PTN: variants seen among roughly 807,000 people sequenced by gnomAD.
PTN encodes heparin affin regulatory protein.
PTN carries 18 observed loss-of-function variants against 24.1 expected under a neutral mutation model. The ratio of observed to expected loss-of-function variants is 0.75; its 90% CI spans 0.52 to 1.11. The LOEUF is 1.11. PTN is among the 50% of genes least tolerant of loss of function. PTN has a pLI of 0.00. For synonymous variants in PTN, 78 were observed against 68.6 expected (o/e 1.14, Z -0.67); for missense variants, 163 against 198.8 (o/e 0.82, Z 1.08).
In PTN at chr7:137,257,909, C is replaced by T. The variant is rs190664163; in HGVS notation, c.-1-2935G>A. Among the ~76,000 whole-genome samples, 1,236 of 152,234 alleles carry T rather than the reference C, an allele frequency of 8.1e-3. 7 individuals are homozygous for T. Among genetic ancestry groups the T allele is most frequent in the Non-Finnish European group, 0.012 (793 of 68,018 alleles). On this transcript the variant is annotated intron_variant, in intron 1 of 4. Transcript: ENST00000348225. ...AAGAGAGGCCAGAAGCACCTCAGAGCCCACTGGAGAAATATGATAACTTGG... is the reference window on the plus strand; with the variant it reads ...AAGAGAGGCCAGAAGCACCTCAGAGTCCACTGGAGAAATATGATAACTTGG...
chr7:137,235,909 C>T (rs1808511790), intron 4 of PTN, among the ~76,000 whole-genome samples: 1 of 152,110 alleles, frequency 6.6e-6, no homozygotes, highest in Non-Finnish European at 1.5e-5. Context: ...TGTCTAGATG[C>T]AGACTAAACA....
chr7:137,297,121 A>G (rs1055710610), intron 1 of PTN, among the ~76,000 whole-genome samples: 6 of 152,138 alleles, frequency 3.9e-5, no homozygotes, highest in Non-Finnish European at 7.4e-5. Flanking sequence ...TAAGATATGG[A>G]CAGATAAAAT....
intron 1 of PTN, among the ~76,000 whole-genome samples, chr7:137,285,788 G>A (rs1809544384): frequency 6.6e-6 from 1 of 152,206 alleles, no homozygotes; most frequent in Non-Finnish European, 1.5e-5. Flanking sequence ...CTAGAAATAT[G>A]TGTCCTATAT....
chr7:137,304,796 A>T (rs1809860494), intron 1 of PTN, among the ~76,000 whole-genome samples: 1 of 151,994 alleles, frequency 6.6e-6, no homozygotes, highest in African/African-American at 2.4e-5. Flanking sequence ...AAAGCCACAG[A>T]ACCTCTGAGC....
At chr7:137,314,282 C>T (rs1162029513) in intron 1 of PTN, among the ~76,000 whole-genome samples, 1 of 152,132 alleles carries the variant, frequency 6.6e-6, no homozygotes, top group Non-Finnish European at 1.5e-5. Context: ...GTGGCCTTAG[C>T]AGTATCATGG....
intron 1 of PTN, among the ~76,000 whole-genome samples, chr7:137,256,972 C>T (rs1479425428): frequency 6.6e-6 from 1 of 152,062 alleles, no homozygotes; most frequent in Non-Finnish European, 1.5e-5. Context: ...CCATCTCAAG[C>T]CAGTCAGAAT....
chr7:137,248,128 C>T (rs958174044), intron 4 of PTN, among the ~76,000 whole-genome samples: 1 of 152,134 alleles, frequency 6.6e-6, no homozygotes, highest in East Asian at 1.9e-4. Flanking sequence ...AGATTCCATT[C>T]ATTACTATTT....
At chr7:137,279,972 T>C (rs556899112) in intron 1 of PTN, among the ~76,000 whole-genome samples, 7 of 152,326 alleles carry the variant, frequency 4.6e-5, no homozygotes, top group African/African-American at 1.7e-4. Flanking sequence ...ATTGGACTTA[T>C]CAAATTAATT....
chr7:137,317,841 T>C (rs762650614), intron 1 of PTN, among the ~76,000 whole-genome samples: 3 of 152,136 alleles, frequency 2.0e-5, no homozygotes, highest in Non-Finnish European at 4.4e-5. Flanking sequence ...AACTGAGGCA[T>C]GAGTGACCAA....
rs192949556 is a variant in PTN at position 137,316,336 on chromosome 7, G to T, written c.-2+27103C>A. On this transcript the variant is annotated intron_variant, in intron 1 of 4. Coordinates refer to ENST00000348225, the MANE Select transcript of PTN (RefSeq NM_002825.7). ...TCATTTCTGTGCAAACTTGGAGCAA[G>T]GTGCAAATCCTACACCTCATTTTCT... is the stretch of plus-strand genomic sequence containing the variant. Among the ~76,000 whole-genome samples, 27 of 152,266 alleles carry T rather than the reference G, an allele frequency of 1.8e-4. No homozygotes were observed. The East Asian group carries it at 5.0e-3, about 28-fold the overall frequency.
At chr7:137,317,910 C>T (rs1394829272) in intron 1 of PTN, among the ~76,000 whole-genome samples, 3 of 152,002 alleles carry the variant, frequency 2.0e-5, no homozygotes, top group Non-Finnish European at 4.4e-5. Context: ...GAGTGGGTGG[C>T]CAGGTAGGCA....
At chr7:137,257,635 AT>A (rs1333661018) in intron 1 of PTN, among the ~76,000 whole-genome samples, 1 of 152,204 alleles carries the variant, frequency 6.6e-6, no homozygotes, top group Non-Finnish European at 1.5e-5. Context: ...GAAACTTTTC[AT>A]TTCAATTGTT....
chr7:137,277,951 A>G (rs899606671), intron 1 of PTN, among the ~76,000 whole-genome samples: 7 of 151,922 alleles, frequency 4.6e-5, no homozygotes, highest in Non-Finnish European at 8.8e-5. Context: ...AGATAGATAG[A>G]TAGATGCAAC....
intron 4 of PTN, among the ~76,000 whole-genome samples, chr7:137,243,472 G>A (rs1390305724): frequency 6.6e-6 from 1 of 152,194 alleles, no homozygotes; most frequent in African/African-American, 2.4e-5. Flanking sequence ...GGAGAGAGGG[G>A]TAAGTCTAAT....
At chr7:137,282,579 T>G (rs180945142) in intron 1 of PTN, among the ~76,000 whole-genome samples, 178 of 152,122 alleles carry the variant, frequency 1.2e-3, no homozygotes, top group Non-Finnish European at 2.0e-3. Flanking sequence ...ATTAAAAATA[T>G]TTGAGATATA....
At chr7:137,327,939 C>T (rs866447071) in intron 1 of PTN, among the ~76,000 whole-genome samples, 3 of 152,130 alleles carry the variant, frequency 2.0e-5, no homozygotes, top group Admixed American at 6.6e-5. Flanking sequence ...TGACTTCAGG[C>T]GGACACCTTG....
intron 1 of PTN, among the ~76,000 whole-genome samples, chr7:137,299,511 C>T (rs1052134536): frequency 7.2e-5 from 11 of 151,816 alleles, no homozygotes; most frequent in African/African-American, 2.2e-4. Flanking sequence ...CCCCATGGTA[C>T]GCCCCTCTGA....
At chr7:137,283,951 G>GTT (rs1228347789) in intron 1 of PTN, among the ~76,000 whole-genome samples, 1 of 70,080 alleles carries the variant, frequency 1.4e-5, no homozygotes, top group African/African-American at 5.2e-5. Flanking sequence ...ATGAGCATCA[G>GTT]ATTTTTTTTT....
intron 1 of PTN, among the ~76,000 whole-genome samples, chr7:137,296,903 T>C (rs1025004049): frequency 6.6e-6 from 1 of 152,074 alleles, no homozygotes; most frequent in East Asian, 1.9e-4. Context: ...ATGTAGGTTA[T>C]GCTTGTAGTT....
Sources: gnomAD v4.1 joint callset for allele counts (sites outside exome capture counted in the v4.1 genomes callset) on GRCh38, gnomAD v4.1.1 for gene constraint, MANE v1.5 for transcripts, NCBI Gene and HGNC (gene_info 2026-07-23, HGNC 2026-07-21) for gene names.